The following SLC4A4 variants were observed in gnomAD, a reference collection of about 807,000 sequenced individuals.
SLC4A4 encodes solute carrier family 4 member 4, also known as electrogenic sodium bicarbonate cotransporter 1.
Under a neutral mutation model 111.5 loss-of-function variants are expected in SLC4A4, and 27 were observed. The ratio of observed to expected loss-of-function variants is 0.24; its 90% CI spans 0.18 to 0.33. The LOEUF is 0.33. Ranked by LOEUF, SLC4A4 falls within the 10% of genes least tolerant of loss-of-function variation. The pLI is 1.00. For missense variants in SLC4A4, 909 were observed against 1,315.5 expected (o/e 0.69, Z 4.78); for synonymous variants, 443 against 463.4 (o/e 0.96, Z 0.57).
intron 1 of SLC4A4, among the ~76,000 whole-genome samples, chr4:71,220,725 T>A (rs985585092): frequency 6.6e-6 from 1 of 151,446 alleles, no homozygotes; most frequent in African/African-American, 2.5e-5. Flanking sequence ...TTTTTTAACT[T>A]TTATTTTAGG....
intron 7 of SLC4A4, among the ~76,000 whole-genome samples, chr4:71,422,912 C>G (rs558522887): frequency 1.0e-3 from 158 of 152,294 alleles, no homozygotes; most frequent in Non-Finnish European, 1.8e-3. Context: ...GAAGCATTCC[C>G]TTTGAAAACT....
intron 20 of SLC4A4, among the ~76,000 whole-genome samples, chr4:71,550,450 AAGT>A (rs1314411876): frequency 2.6e-5 from 4 of 152,050 alleles, no homozygotes; most frequent in African/African-American, 9.6e-5. Context: ...ACTAAAACCT[AAGT>A]TATGACTAAG....
At chr4:71,491,229 G>C (rs1312616991) in intron 15 of SLC4A4, among the ~76,000 whole-genome samples, 1 of 151,824 alleles carries the variant, frequency 6.6e-6, no homozygotes, top group Non-Finnish European at 1.5e-5. Context: ...GCTCACCACT[G>C]TGGGGGAAAA....
chr4:71,351,684 A>G (rs1297655837), intron 5 of SLC4A4, among the ~76,000 whole-genome samples: 5 of 151,944 alleles, frequency 3.3e-5, no homozygotes, highest in Non-Finnish European at 7.4e-5. Context: ...GTGAAACCCC[A>G]CTCCTGCCTC....
In SLC4A4 at chr4:71,167,116, G is replaced by C. The variant is rs59317008; in HGVS notation, c.-1-69460G>C. 5.3e-3 allele frequency among the ~76,000 whole-genome samples: 806 copies of C among 152,232 alleles called. 9 individuals are homozygous for C. The highest frequency in any genetic ancestry group is 0.019 in the African/African-American group (771 of 41,532). On this transcript the variant is annotated intron_variant, in intron 2 of 26. Transcript: ENST00000649996. The stretch of plus-strand genomic sequence containing the variant: ...TCCAGCTGAAGAGATTTGAGGGCTG[G>C]AGTGATTTGATGGCAGGGAGTCGGA...
intron 8 of SLC4A4, 55 bp downstream of exon 8, chr4:71,440,828 C>T: frequency 6.3e-7 from 1 of 1,576,846 alleles, no homozygotes; most frequent in Non-Finnish European, 8.7e-7. Context: ...TATCTCCTCC[C>T]ATTCAGGCTG....
At chr4:71,371,160 C>G (rs371515172) in intron 6 of SLC4A4, among the ~76,000 whole-genome samples, 1 of 151,892 alleles carries the variant, frequency 6.6e-6, no homozygotes, top group East Asian at 1.9e-4. Flanking sequence ...AAACTCTAAT[C>G]AGCTTGTCTC....
At chr4:71,185,441 TTTTTG>T (rs1419880383), upstream of SLC4A4, among the ~76,000 whole-genome samples, 1 of 152,230 alleles carries the variant, frequency 6.6e-6, no homozygotes, top group African/African-American at 2.4e-5. Context: ...TAAAGCTAAA[TTTTTG>T]TTTTATCTTT....
At chr4:71,099,332 A>C (rs907924807) in intron 2 of SLC4A4, among the ~76,000 whole-genome samples, 5 of 152,206 alleles carry the variant, frequency 3.3e-5, no homozygotes, top group Non-Finnish European at 7.4e-5. Context: ...GAAATTAAGC[A>C]ACATGCTGAA....
chr4:71,166,852 A>C (rs1744790361), intron 2 of SLC4A4, among the ~76,000 whole-genome samples: 2 of 152,180 alleles, frequency 1.3e-5, no homozygotes, highest in Non-Finnish European at 2.9e-5. Flanking sequence ...TTTTGTTTGG[A>C]GATTGCATGC....
At chr4:71,391,744 A>G (rs1177318129) in intron 6 of SLC4A4, among the ~76,000 whole-genome samples, 2 of 151,904 alleles carry the variant, frequency 1.3e-5, no homozygotes, top group African/African-American at 4.8e-5. Context: ...TTTTAAATGA[A>G]TCTTAAAAAA....
intron 2 of SLC4A4, among the ~76,000 whole-genome samples, chr4:71,113,101 A>G (rs1423643944): frequency 6.6e-6 from 1 of 152,198 alleles, no homozygotes; most frequent in Non-Finnish European, 1.5e-5. Flanking sequence ...CAATGTGTAC[A>G]TTTTGAGCTT....
intron 7 of SLC4A4, among the ~76,000 whole-genome samples, chr4:71,422,753 T>A (rs1722676492): frequency 6.6e-6 from 1 of 152,032 alleles, no homozygotes; most frequent in Non-Finnish European, 1.5e-5. Flanking sequence ...ATTGTCTCAA[T>A]AGATGCAGAA....
chr4:71,085,350 T>C (rs1441937614), intron 1 of SLC4A4, among the ~76,000 whole-genome samples: 2 of 152,020 alleles, frequency 1.3e-5, no homozygotes, highest in African/African-American at 2.4e-5. Flanking sequence ...TCCCATTCTG[T>C]AGGTTGCCTG....
chr4:71,064,247 C>T (rs536002742), intron 1 of SLC4A4, among the ~76,000 whole-genome samples: 1 of 152,276 alleles, frequency 6.6e-6, no homozygotes, highest in Non-Finnish European at 1.5e-5. Context: ...AACCTCAATT[C>T]TTCATCAGGG....
intron 3 of SLC4A4, among the ~76,000 whole-genome samples, chr4:71,324,600 A>AT (rs34621964): frequency 6.6e-6 from 1 of 151,976 alleles, no homozygotes; most frequent in African/African-American, 2.4e-5. Context: ...CCTCGTTTTA[A>AT]TTTTTTAACC....
rs573823773 is a variant in SLC4A4 at position 71,301,493 on chromosome 4, T to C, written c.254-37877T>C. Reference sequence around the variant, plus strand: ...CACTCTGCAGGAAGGGAGGCAAGGATAAAGGCGGCATGAAAGTTGGAGAAA... The same window carrying C: ...CACTCTGCAGGAAGGGAGGCAAGGACAAAGGCGGCATGAAAGTTGGAGAAA... On this transcript the variant is annotated intron_variant, in intron 3 of 25. Transcript: ENST00000264485. Among the ~76,000 whole-genome samples the C allele has an allele frequency of 8.5e-5, 13 of 152,112 alleles. No homozygotes were observed. In the East Asian group the frequency reaches 2.5e-3, roughly 30 times the overall value.
intron 2 of SLC4A4, among the ~76,000 whole-genome samples, chr4:71,141,248 A>G (rs954947731): frequency 6.6e-6 from 1 of 152,196 alleles, no homozygotes; most frequent in African/African-American, 2.4e-5. Context: ...TGAAAAATGT[A>G]AGCTTTCATT....
chr4:71,543,375 A>C lies in SLC4A4; in HGVS notation c.2443-2975A>C, dbSNP rs184026512. On this transcript the variant is annotated intron_variant, in intron 18 of 25. Transcript: ENST00000264485. ...ATTTTCCCTTCCCCTTAAGAACAAA[A>C]AGAAGTCCAGTGTGGCTGAGGAGAT... 1.6e-3 allele frequency among the ~76,000 whole-genome samples: 239 copies of C among 152,250 alleles called. 1 individual carries two copies. The highest frequency in any genetic ancestry group is 5.6e-3 in the African/African-American group (233 of 41,566).
Sources: gnomAD v4.1 joint callset for allele counts (sites outside exome capture counted in the v4.1 genomes callset) on GRCh38, gnomAD v4.1.1 for gene constraint, MANE v1.5 for transcripts, NCBI Gene and HGNC (gene_info 2026-07-23, HGNC 2026-07-21) for gene names.